Variants in FER1L5 observed in about 807,000 individuals in gnomAD.
FER1L5 encodes the protein fer-1 like family member 5.
A neutral mutation model predicts 279.9 loss-of-function variants in FER1L5; 187 were observed. The observed-to-expected ratio is 0.67, with a 90% CI of 0.59 to 0.75. The LOEUF is 0.75. Ranked by LOEUF, FER1L5 falls within the 30% of genes least tolerant of loss-of-function variation. The pLI, the probability that FER1L5 is intolerant of heterozygous loss-of-function variation, is 0.00. For missense variants in FER1L5, 2,091 were observed against 2,594.4 expected (o/e 0.81, Z 4.21); for synonymous variants, 921 against 989.7 (o/e 0.93, Z 1.30).
chr2:96,696,152 C>T, intron 37 of FER1L5, 75 bp downstream of exon 37: 1 of 1,589,050 alleles, frequency 6.3e-7, no homozygotes, highest in Non-Finnish European at 8.6e-7. Context: ...GGAGGGGTGT[C>T]CATTAAACAG....
intron 37 of FER1L5, 93 bp from the exon 38 acceptor site, chr2:96,697,433 A>C (rs932723765): frequency 1.4e-6 from 2 of 1,398,198 alleles, no homozygotes; most frequent in African/African-American, 2.8e-5. Flanking sequence ...CAAGGGCACC[A>C]GGGAAGCTCT....
At position 96,702,226 on chromosome 2, in the gene FER1L5, C is replaced by T; in HGVS notation, c.5160-80C>T. 4 of 1,573,228 alleles carry T rather than the reference C, an allele frequency of 2.5e-6. No individual in the cohort carries two copies. Among genetic ancestry groups the T allele is most frequent in the South Asian group, 2.3e-5 (2 of 86,614 alleles). On this transcript the variant is annotated intron_variant, in intron 46 of 52. Coordinates refer to ENST00000624922, the MANE Select transcript of FER1L5 (RefSeq NM_001293083.2). The surrounding 1 kb of genome is among the most constrained non-coding windows in gnomAD (Gnocchi z 4.0). Reference sequence around the variant, plus strand: ...ACTGAGCAAAAACACACAGGGCAGCCTCCCAGGCTTCTCTGCCCTCACTGA... The same window carrying T: ...ACTGAGCAAAAACACACAGGGCAGCTTCCCAGGCTTCTCTGCCCTCACTGA...
At chr2:96,656,410 G>T (rs2075602443) in intron 9 of FER1L5, among the ~76,000 whole-genome samples, 1 of 152,228 alleles carries the variant, frequency 6.6e-6, no homozygotes. Flanking sequence ...GTCAAGGCAG[G>T]CGGATCACCT....
At chr2:96,672,993 T>C (rs1008531571) in intron 18 of FER1L5, 84 bp from the exon 19 acceptor site, 63 of 1,457,176 alleles carry the variant, frequency 4.3e-5, no homozygotes, top group Non-Finnish European at 5.5e-5. Context: ...GAAAGAAAGA[T>C]ACCTCATCCT....
intron 7 of FER1L5, 43 bp from the exon 8 acceptor site, chr2:96,653,597 G>A: frequency 6.9e-7 from 1 of 1,447,340 alleles, no homozygotes; most frequent in East Asian, 2.5e-5. Context: ...GGGTGAAGTG[G>A]CGGAAGAAAT....
intron 19 of FER1L5, among the ~76,000 whole-genome samples, chr2:96,677,865 C>CA (rs1186036662): frequency 0.015 from 1,431 of 93,806 alleles, 9 homozygotes; most frequent in African/African-American, 0.037. Flanking sequence ...AACTCCGTCT[C>CA]AAAAAAAAAA....
At chr2:96,677,921 T>G (rs1347737797) in intron 19 of FER1L5, among the ~76,000 whole-genome samples, 1 of 151,686 alleles carries the variant, frequency 6.6e-6, no homozygotes, top group African/African-American at 2.4e-5. Context: ...AGTCTTTAAG[T>G]GGAATGGCTT....
At position 96,704,251 on chromosome 2, in the gene FER1L5, A is replaced by G; in HGVS notation, c.5838A>G (p.Pro1946=). Residue 1946 remains proline (P), a synonymous_variant, in exon 52 of 53, where the codon CCA becomes CCG. Transcript: ENST00000624922. ...CCTCTTTCACGTGGCTGCGGTCACCAGTTCAAAACTTCTGCTATATTTTCT... is the reference window on the plus strand; with the variant it reads ...CCTCTTTCACGTGGCTGCGGTCACCGGTTCAAAACTTCTGCTATATTTTCT... ...TNTSFTWLRS[P]VQNFCYIFWK... is the part of the protein sequence containing the mutation. 1.2e-6 allele frequency: 2 copies of G among 1,614,030 alleles called. No individual in the cohort carries two copies. The highest frequency in any genetic ancestry group is 1.7e-6 in the Non-Finnish European group (2 of 1,179,904).
Position 96,689,927 on chromosome 2 carries a change from G to A in FER1L5, c.2640+169G>A, listed in dbSNP as rs989217792. 1.3e-5 allele frequency among the ~76,000 whole-genome samples: 2 copies of A among 152,190 alleles called. No homozygotes were observed. The highest frequency in any genetic ancestry group is 2.9e-5 in the Non-Finnish European group (2 of 68,026). On this transcript the variant is annotated intron_variant, in intron 26 of 52. Coordinates refer to ENST00000624922, the MANE Select transcript of FER1L5 (RefSeq NM_001293083.2). This position sits in a 1 kb window ranked among gnomAD's most constrained non-coding sequence, Gnocchi z 4.6. Reference sequence around the variant, plus strand: ...TCAGGCACTCTCTCTCAGCACTGATGGGGTGAGGGGTTTGTAGAAATACCT... The same window carrying A: ...TCAGGCACTCTCTCTCAGCACTGATAGGGTGAGGGGTTTGTAGAAATACCT...
At chr2:96,669,777 T>C (rs1326593815) in intron 17 of FER1L5, among the ~76,000 whole-genome samples, 1 of 152,166 alleles carries the variant, frequency 6.6e-6, no homozygotes, top group East Asian at 1.9e-4. Context: ...AGGTCATGTG[T>C]GCTCCCCGTG....
rs1558918026 is a variant in FER1L5 at position 96,693,685 on chromosome 2, TG to T, written c.3474+1del. The T allele has an allele frequency of 4.5e-6, 7 of 1,550,912 alleles. No homozygotes were observed. The highest frequency in any genetic ancestry group is 6.1e-6 in the Non-Finnish European group (7 of 1,146,538). Reference sequence around the variant, plus strand: ...GCTGGAGCTGTGGCAGCGTGACTTCTGGGTAAGTTGGGCTGGGCAGAGCAAG... The same window carrying T: ...GCTGGAGCTGTGGCAGCGTGACTTCTGGTAAGTTGGGCTGGGCAGAGCAAG... ...VVLELWQRDF[W>X]GKESLWGRSV... On this transcript the variant is annotated frameshift_variant and splice_region_variant, in exon 32 of 53. Transcript: ENST00000624922. LOFTEE classifies it high-confidence loss of function.
chr2:96,688,715 A>C (rs957406402), intron 24 of FER1L5, among the ~76,000 whole-genome samples: 2 of 152,196 alleles, frequency 1.3e-5, no homozygotes, highest in Non-Finnish European at 1.5e-5. Context: ...AGAGCAGTTC[A>C]GGGTGCGGGG....
In FER1L5 at chr2:96,642,865, A is replaced by G. The variant is rs781072417; in HGVS notation, c.29A>G (p.Lys10Arg). Residue 10 changes from lysine (K) to arginine (R), a missense_variant, in exon 1 of 53, where the codon AAG becomes AGG. By Grantham distance (26) the Lys-to-Arg change is conservative. Coordinates refer to ENST00000624922, the MANE Select transcript of FER1L5 (RefSeq NM_001293083.2). MLRLVVQSA[K>R]IDPPLAPLPR... is the part of the protein sequence containing the mutation. ...CTGCGGCTTGTGGTGCAGTCGGCCA[A>G]GATTGACCCACCACTAGCCCCACTA... 2 of 1,551,186 alleles carry G rather than the reference A, an allele frequency of 1.3e-6. No homozygotes were observed. The highest frequency in any genetic ancestry group is 1.2e-5 in the South Asian group (1 of 83,994).
chr2:96,680,937 C>CA (rs1370981331), intron 19 of FER1L5, among the ~76,000 whole-genome samples: 1 of 152,234 alleles, frequency 6.6e-6, no homozygotes, highest in African/African-American at 2.4e-5. Flanking sequence ...ACCTCCATGG[C>CA]ATGACCATAG....
chr2:96,684,182 G>A, intron 19 of FER1L5, 145 bp from the exon 20 acceptor site: 1 of 1,105,344 alleles, frequency 9.0e-7, no homozygotes. Flanking sequence ...CAGCCTCCCA[G>A]CTGGAGGGCT....
chr2:96,693,933 G>A lies in FER1L5; in HGVS notation c.3497G>A (p.Arg1166Gln), dbSNP rs1419503742. The part of the protein sequence containing the change: ...DFWGKESLWG[R>Q]SVWPPMVWLD... The stretch of plus-strand genomic sequence containing the variant: ...CAGGGCAAGGAGAGCTTGTGGGGAC[G>A]GAGCGTGTGGCCCCCAATGGTCTGG... Residue 1166 changes from arginine to glutamine, a missense_variant, in exon 33 of 53, where the codon CGG becomes CAG. Transcript: ENST00000624922. 3.9e-6 allele frequency: 6 copies of A among 1,550,772 alleles called. No homozygotes were observed. In the Admixed American group the frequency reaches 5.9e-5, roughly 15 times the overall value.
chr2:96,693,861 C>T, intron 32 of FER1L5, 50 bp from the exon 33 acceptor site: 1 of 1,505,908 alleles, frequency 6.6e-7, no homozygotes, highest in Non-Finnish European at 8.9e-7. Flanking sequence ...CCAGACAGAG[C>T]TGGGCCCTGC....
At position 96,689,519 on chromosome 2, in the gene FER1L5, C is replaced by G. The variant is rs530878986; in HGVS notation, c.2526-125C>G. On this transcript the variant is annotated intron_variant, in intron 25 of 52. Transcript: ENST00000624922. The surrounding 1 kb of genome is among the most constrained non-coding windows in gnomAD (Gnocchi z 4.6). ...GCACCAGGCCAAGGGCCCTGCCCACCACCCTGTCCTGCCCAGAGCAGGTGG... is the reference window on the plus strand; with the variant it reads ...GCACCAGGCCAAGGGCCCTGCCCACGACCCTGTCCTGCCCAGAGCAGGTGG... 2.1e-6 allele frequency: 3 copies of G among 1,441,484 alleles called. No individual in the cohort carries two copies. Among genetic ancestry groups the G allele is most frequent in the Non-Finnish European group, 2.8e-6 (3 of 1,053,820 alleles). The allele number at this position is 1,441,484 out of a possible 1,614,324, so 89.3% of individuals were successfully genotyped here.
chr2:96,659,565 C>A (rs1271413420), intron 9 of FER1L5, among the ~76,000 whole-genome samples: 14 of 148,202 alleles, frequency 9.4e-5, no homozygotes. Context: ...AATCTCGGCT[C>A]ATTGCAAGTT....
Sources: gnomAD v4.1 joint callset for allele counts (sites outside exome capture counted in the v4.1 genomes callset) on GRCh38, gnomAD v4.1.1 for gene constraint, Gnocchi (gnomAD v3.1) non-coding constraint, MANE v1.5 for transcripts, NCBI Gene and HGNC (gene_info 2026-07-23, HGNC 2026-07-21) for gene names.